Variants in HDAC4 observed in about 807,000 individuals in gnomAD.
HDAC4 encodes the protein histone deacetylase 4.
In HDAC4, 16 loss-of-function variants were observed where a neutral mutation model predicts 135.1. That is an observed-to-expected ratio of 0.12 (90% CI 0.08 to 0.18). The LOEUF (loss-of-function observed/expected upper bound fraction) is 0.18, where lower values mean the gene tolerates loss of function less well. HDAC4 is among the 10% of genes least tolerant of loss of function. The pLI, the probability that HDAC4 is intolerant of heterozygous loss-of-function variation, is 1.00. For missense variants in HDAC4, 1,143 were observed against 1,511.8 expected, an observed-to-expected ratio of 0.76 and a Z score of 4.05; for synonymous variants, 685 against 653.4, an observed-to-expected ratio of 1.05 and a Z score of -0.74.
intron 8 of HDAC4, among the ~76,000 whole-genome samples, chr2:239,142,328 C>T (rs779065848): frequency 1.3e-5 from 2 of 152,192 alleles, no homozygotes; most frequent in Non-Finnish European, 2.9e-5. Flanking sequence ...GGCTCCACTC[C>T]TCCGTGTGGG....
At position 239,068,436 on chromosome 2, in the gene HDAC4, G is replaced by A. The variant is rs1283263918; in HGVS notation, c.2869+53C>T. ...GGGGACCTGACACGCGGAACACAGC[G>A]GATCATGGACATGAGCAGAACCGGC... On this transcript the variant is annotated intron_variant, in intron 23 of 26. Coordinates refer to ENST00000543185, the MANE Select transcript of HDAC4 (RefSeq NM_001378414.1). This position sits in a 1 kb window ranked among gnomAD's most constrained non-coding sequence, Gnocchi z 4.4. 10 of 1,273,522 alleles carry A rather than the reference G, an allele frequency of 7.9e-6. No individual in the cohort carries two copies. Among genetic ancestry groups the A allele is most frequent in the East Asian group, 4.6e-5 (2 of 43,222 alleles). The allele number at this position is 1,273,522 out of a possible 1,614,324, so 78.9% of individuals were successfully genotyped here.
chr2:239,210,819 C>A (rs569148377), intron 3 of HDAC4, among the ~76,000 whole-genome samples: 1 of 152,172 alleles, frequency 6.6e-6, no homozygotes, highest in Non-Finnish European at 1.5e-5. Flanking sequence ...GAGCCTGGAA[C>A]GCGGCTGAGA....
At chr2:239,104,520 G>A (rs1205788825) in intron 15 of HDAC4, among the ~76,000 whole-genome samples, 1 of 152,208 alleles carries the variant, frequency 6.6e-6, no homozygotes, top group Non-Finnish European at 1.5e-5. Context: ...GTGAGCCACC[G>A]CACCTGGCCA....
At chr2:239,345,877 T>A (rs1295826637) in intron 2 of HDAC4, among the ~76,000 whole-genome samples, 2 of 114,762 alleles carry the variant, frequency 1.7e-5, no homozygotes, top group African/African-American at 3.4e-5. Flanking sequence ...CTAACACACA[T>A]ACACACCGTC....
intron 6 of HDAC4, among the ~76,000 whole-genome samples, chr2:239,163,563 G>A (rs547035874): frequency 6.6e-6 from 1 of 152,020 alleles, no homozygotes; most frequent in East Asian, 1.9e-4. Flanking sequence ...GCTGCCGTGT[G>A]AGTGTACCCC....
At chr2:239,065,588 C>T (rs766102192) in intron 24 of HDAC4, among the ~76,000 whole-genome samples, 6 of 152,178 alleles carry the variant, frequency 3.9e-5, no homozygotes, top group African/African-American at 1.4e-4. Context: ...CCTGTCACCC[C>T]GACTCTACTG....
chr2:239,050,140 GCT>G lies in HDAC4; in HGVS notation c.*2955_*2956del, dbSNP rs910012950. On this transcript the variant is annotated 3_prime_UTR_variant, in exon 27 of 27. Transcript: ENST00000543185. ...TTCAAAGAAAAGGCTACACAGTAAT[GCT>G]CTCAGCACATTTGTGAAGCTGGAGT... 1.3e-5 allele frequency: 2 copies of G among 152,596 alleles called. No homozygotes were observed. Among genetic ancestry groups the G allele is most frequent in the African/African-American group, 2.4e-5 (1 of 41,448 alleles). The allele number at this position is 152,596 out of a possible 1,614,324, so 9.5% of individuals were successfully genotyped here.
chr2:239,079,482 G>C (rs982079707), intron 22 of HDAC4, among the ~76,000 whole-genome samples: 1 of 152,166 alleles, frequency 6.6e-6, no homozygotes, highest in Non-Finnish European at 1.5e-5. Context: ...CGTGTCCTGG[G>C]CCAGGGCCTT....
chr2:239,181,561 G>A (rs561613306), intron 4 of HDAC4, among the ~76,000 whole-genome samples: 1 of 152,240 alleles, frequency 6.6e-6, no homozygotes, highest in Non-Finnish European at 1.5e-5. Context: ...GAACTTCTTG[G>A]GGATGGTGGG....
At chr2:239,329,036 A>C (rs2125807857) in intron 2 of HDAC4, among the ~76,000 whole-genome samples, 1 of 152,384 alleles carries the variant, frequency 6.6e-6, no homozygotes, top group Admixed American at 6.5e-5. Context: ...GGCCCAGGCC[A>C]CCAGGCAGCA....
At chr2:239,131,777 T>G (rs1473251105) in intron 11 of HDAC4, among the ~76,000 whole-genome samples, 1 of 152,180 alleles carries the variant, frequency 6.6e-6, no homozygotes, top group Non-Finnish European at 1.5e-5. Context: ...GGGACAGCCG[T>G]GGGCCGTGCA....
At position 239,139,689 on chromosome 2, in the gene HDAC4, C is replaced by T. The variant is rs751935332; in HGVS notation, c.973G>A (p.Ala325Thr). The T allele has an allele frequency of 6.8e-6, 11 of 1,613,888 alleles. No homozygotes were observed. Among genetic ancestry groups the T allele is most frequent in the Non-Finnish European group, 9.3e-6 (11 of 1,179,792 alleles). ...GACAAACGCTTCGCACTGACCTCCG[C>T]CGGGATGCTGGGGACGGCGGGCGCG... ...GIAPAVPSIP[A>T]ETSLAHRLVA... The change falls in exon 9 of 27, where the codon GCG (alanine) becomes ACG (threonine). Residue 325 changes from alanine to threonine, a missense_variant. Ala to Thr is a moderately conservative substitution (Grantham distance 58, BLOSUM62 0). Transcript: ENST00000543185. The surrounding 1 kb of genome is among the most constrained non-coding windows in gnomAD (Gnocchi z 5.3).
intron 2 of HDAC4, among the ~76,000 whole-genome samples, chr2:239,312,342 G>A (rs1675960455): frequency 2.0e-5 from 3 of 152,180 alleles, no homozygotes; most frequent in African/African-American, 4.8e-5. Flanking sequence ...ATTGGCTGCC[G>A]CCAAGAGGCC....
At chr2:239,154,254 C>G (rs2042285558) in intron 7 of HDAC4, among the ~76,000 whole-genome samples, 1 of 152,068 alleles carries the variant, frequency 6.6e-6, no homozygotes, top group Non-Finnish European at 1.5e-5. Context: ...GGTGCTCTCG[C>G]TGGAAGCTCC....
intron 25 of HDAC4, among the ~76,000 whole-genome samples, chr2:239,054,138 G>GA (rs2031385442): frequency 6.6e-6 from 1 of 152,136 alleles, no homozygotes; most frequent in East Asian, 1.9e-4. Flanking sequence ...CTCACACAGG[G>GA]AAACGGGGAG....
intron 2 of HDAC4, among the ~76,000 whole-genome samples, chr2:239,351,404 T>C (rs1693147527): frequency 6.6e-6 from 1 of 152,178 alleles, no homozygotes; most frequent in East Asian, 1.9e-4. Context: ...TTATACTCTA[T>C]GAAAATGCTC....
At chr2:239,120,688 T>C (rs1462687109) in intron 12 of HDAC4, among the ~76,000 whole-genome samples, 2 of 151,716 alleles carry the variant, frequency 1.3e-5, no homozygotes, top group African/African-American at 4.8e-5. Context: ...GGCTGCCCCA[T>C]CCCAGCAATG....
intron 6 of HDAC4, among the ~76,000 whole-genome samples, chr2:239,158,967 C>A (rs1019513782): frequency 1.4e-4 from 21 of 151,916 alleles, no homozygotes; most frequent in Non-Finnish European, 1.2e-4. Flanking sequence ...GCACATCACA[C>A]AACTATTCAC....
intron 2 of HDAC4, among the ~76,000 whole-genome samples, chr2:239,317,331 G>A (rs1011561852): frequency 6.6e-4 from 66 of 99,966 alleles, no homozygotes; most frequent in African/African-American, 2.6e-3. Context: ...TGTGGGTGCA[G>A]GGGCCGATCT....
Sources: allele counts gnomAD v4.1 joint callset (sites outside exome capture counted in the v4.1 genomes callset), GRCh38; gene constraint gnomAD v4.1.1; non-coding constraint Gnocchi (gnomAD v3.1); transcripts MANE v1.5; gene names NCBI Gene and HGNC (gene_info 2026-07-23, HGNC 2026-07-21).